The following ZNF407 variants were observed in gnomAD, a reference collection of about 807,000 sequenced individuals.
ZNF407 encodes the protein zinc finger protein 407.
A neutral mutation model predicts 131.2 loss-of-function variants in ZNF407; 17 were observed. That is an observed-to-expected ratio of 0.13 (90% confidence interval 0.09 to 0.19). The LOEUF (loss-of-function observed/expected upper bound fraction) is 0.19. ZNF407 is among the 10% of genes least tolerant of loss of function. The probability of loss-of-function intolerance (pLI) is 1.00; values close to 1 mark genes in which losing one functional copy is unlikely to be tolerated. For synonymous variants in ZNF407, 1,156 were observed against 1,062.0 expected, an observed-to-expected ratio of 1.09 and a Z score of -1.72; for missense variants, 2,681 against 2,830.6, an observed-to-expected ratio of 0.95 and a Z score of 1.20.
At chr18:75,022,532 C>G (rs1163286659) in intron 8 of ZNF407, among the ~76,000 whole-genome samples, 1 of 152,100 alleles carries the variant, frequency 6.6e-6, no homozygotes, top group African/African-American at 2.4e-5. Context: ...TGAATTTACT[C>G]ATAATATTAG....
intron 4 of ZNF407, among the ~76,000 whole-genome samples, chr18:74,785,812 T>C (rs553124518): frequency 6.7e-6 from 1 of 148,436 alleles, no homozygotes; most frequent in African/African-American, 2.4e-5. Flanking sequence ...ACACAGCATG[T>C]ACATGGCATG....
chr18:74,929,720 T>C (rs1485973574), intron 8 of ZNF407, among the ~76,000 whole-genome samples: 1 of 152,222 alleles, frequency 6.6e-6, no homozygotes, highest in Admixed American at 6.5e-5. Flanking sequence ...AGCCGTTTAC[T>C]AAAGAATAGC....
chr18:74,703,349 G>GTGTCTC lies in ZNF407; in HGVS notation c.4802+62241_4802+62246dup, dbSNP rs112244207. 0.082 allele frequency among the ~76,000 whole-genome samples: 12,391 copies of GTGTCTC among 152,010 alleles called. 663 individuals carry two copies. The highest frequency in any genetic ancestry group is 0.15 in the African/African-American group (6,338 of 41,414). On this transcript the variant is annotated intron_variant, in intron 3 of 8. Coordinates refer to ENST00000299687, the MANE Select transcript of ZNF407 (RefSeq NM_017757.3). The surrounding 1 kb of genome is among the most constrained non-coding windows in gnomAD (Gnocchi z 4.1). ...GATCTCTCTCTCTCTCTCCCCATGT[G>GTGTCTC]TGTCTCTGTCTCTGTCTCTCTCTCT...
chr18:74,788,512 C>A (rs1357039285), intron 4 of ZNF407, among the ~76,000 whole-genome samples: 2 of 151,132 alleles, frequency 1.3e-5, no homozygotes. Flanking sequence ...CAAGTACTCC[C>A]AAGGAAAGGA....
intron 3 of ZNF407, among the ~76,000 whole-genome samples, chr18:74,756,283 A>G (rs138441968): frequency 6.6e-6 from 1 of 151,994 alleles, no homozygotes; most frequent in African/African-American, 2.4e-5. Flanking sequence ...CTTTTTCAAG[A>G]TTGGTTTGGT....
intron 8 of ZNF407, among the ~76,000 whole-genome samples, chr18:74,940,648 T>C (rs1015208867): frequency 9.2e-5 from 14 of 152,158 alleles, no homozygotes; most frequent in African/African-American, 2.7e-4. Flanking sequence ...CTTGATAAAA[T>C]GTTTAACTTT....
chr18:74,740,445 T>G (rs997168370), intron 3 of ZNF407, among the ~76,000 whole-genome samples: 29 of 152,332 alleles, frequency 1.9e-4, no homozygotes, highest in African/African-American at 7.0e-4. Flanking sequence ...CCCGATATCT[T>G]TGGGGATCAC....
intron 7 of ZNF407, among the ~76,000 whole-genome samples, chr18:74,911,462 G>A (rs557254841): frequency 1.3e-5 from 2 of 152,280 alleles, no homozygotes; most frequent in East Asian, 1.9e-4. Flanking sequence ...CAGATATGTG[G>A]TGTAAGTCTC....
chr18:75,007,789 T>C (rs1168870202), intron 8 of ZNF407, among the ~76,000 whole-genome samples: 1 of 152,180 alleles, frequency 6.6e-6, no homozygotes, highest in Non-Finnish European at 1.5e-5. Context: ...GGAAAATATG[T>C]TCACAGGTAA....
chr18:74,790,359 G>A (rs1048803416), intron 4 of ZNF407, among the ~76,000 whole-genome samples: 14 of 152,102 alleles, frequency 9.2e-5, no homozygotes, highest in Admixed American at 3.9e-4. Context: ...GCTTCCAGTT[G>A]CCCTTGTGTG....
intron 3 of ZNF407, among the ~76,000 whole-genome samples, chr18:74,718,741 C>T (rs1181105106): frequency 6.6e-6 from 1 of 152,080 alleles, no homozygotes; most frequent in South Asian, 2.1e-4. Flanking sequence ...TTTGTGTATT[C>T]ACCTTGTATC....
chr18:74,767,934 G>A lies in ZNF407; in HGVS notation c.4803-13494G>A, dbSNP rs575038634. On this transcript the variant is annotated intron_variant, in intron 3 of 8. Transcript: ENST00000299687. ...ACCCACCTTGGCCTCCCAAGTGCTG[G>A]GATTACAGGCGTGAGCTACTGCGCC... 4.6e-5 allele frequency among the ~76,000 whole-genome samples: 7 copies of A among 150,872 alleles called. 1 individual carries two copies. Among genetic ancestry groups the A allele is most frequent in the African/African-American group, 1.7e-4 (7 of 41,068 alleles).
At chr18:74,982,131 CAT>C (rs775396906) in intron 8 of ZNF407, among the ~76,000 whole-genome samples, 11 of 152,320 alleles carry the variant, frequency 7.2e-5, no homozygotes, top group Non-Finnish European at 1.3e-4. Context: ...GTATTGAAAA[CAT>C]GTGCCTACAA....
chr18:74,968,360 A>G (rs1325502157), intron 8 of ZNF407, among the ~76,000 whole-genome samples: 1 of 152,190 alleles, frequency 6.6e-6, no homozygotes, highest in Non-Finnish European at 1.5e-5. Context: ...TCAAATGTCC[A>G]TGAGGAGGAC....
chr18:74,708,095 A>G (rs958901314), intron 3 of ZNF407, among the ~76,000 whole-genome samples: 2 of 152,194 alleles, frequency 1.3e-5, no homozygotes, highest in Non-Finnish European at 2.9e-5. Flanking sequence ...AGCAGTTAGG[A>G]TTTCATCATG....
chr18:74,673,084 T>C (rs766235933), intron 3 of ZNF407, among the ~76,000 whole-genome samples: 1 of 152,212 alleles, frequency 6.6e-6, no homozygotes, highest in Non-Finnish European at 1.5e-5. Context: ...CCCATTTAAA[T>C]TATTTCAGGT....
At chr18:75,045,815 T>A (rs1402047840) in intron 8 of ZNF407, among the ~76,000 whole-genome samples, 1 of 152,194 alleles carries the variant, frequency 6.6e-6, no homozygotes, top group East Asian at 1.9e-4. Flanking sequence ...GGATTGCAGA[T>A]CAAGTATGCA....
At chr18:74,712,153 T>C (rs890846479) in intron 3 of ZNF407, among the ~76,000 whole-genome samples, 1 of 152,214 alleles carries the variant, frequency 6.6e-6, no homozygotes, top group African/African-American at 2.4e-5. Context: ...GTTGGTGTTC[T>C]GGGACCTTGT....
intron 8 of ZNF407, among the ~76,000 whole-genome samples, chr18:74,968,113 A>T (rs76835001): frequency 0.025 from 3,741 of 152,216 alleles, 141 homozygotes; most frequent in African/African-American, 0.083. Flanking sequence ...ATGATATATT[A>T]TGTGGTCATC....
Sources: allele counts gnomAD v4.1 joint callset (sites outside exome capture counted in the v4.1 genomes callset), GRCh38; gene constraint gnomAD v4.1.1; non-coding constraint Gnocchi (gnomAD v3.1); transcripts MANE v1.5; gene names NCBI Gene and HGNC (gene_info 2026-07-23, HGNC 2026-07-21).